CCSER1: variants seen among roughly 807,000 people sequenced by gnomAD.
The protein encoded by CCSER1 is serine-rich coiled-coil domain-containing protein 1.
CCSER1 carries 41 observed loss-of-function variants against 82.0 expected under a neutral mutation model. The observed-to-expected ratio is 0.50, with a 90% CI of 0.39 to 0.65. CCSER1 has a LOEUF of 0.65. CCSER1 is among the 30% of genes least tolerant of loss of function. The pLI is 0.00. For missense variants in CCSER1, 1,119 were observed against 1,064.2 expected (o/e 1.05, Z -0.72); for synonymous variants, 414 against 383.9 (o/e 1.08, Z -0.92).
intron 10 of CCSER1, among the ~76,000 whole-genome samples, chr4:91,366,338 T>C (rs1357623866): frequency 6.6e-6 from 1 of 152,322 alleles, no homozygotes; most frequent in South Asian, 2.1e-4. Flanking sequence ...CTATTCTTCC[T>C]GCTAGGACTT....
At chr4:91,003,064 C>G (rs1738182197) in intron 9 of CCSER1, among the ~76,000 whole-genome samples, 2 of 152,102 alleles carry the variant, frequency 1.3e-5, no homozygotes, top group African/African-American at 4.8e-5. Context: ...CAGGCTGGTA[C>G]CGGGGGTTGT....
chr4:91,178,178 A>G (rs1377389885), intron 10 of CCSER1, among the ~76,000 whole-genome samples: 4 of 152,056 alleles, frequency 2.6e-5, no homozygotes, highest in African/African-American at 9.7e-5. Flanking sequence ...CTCAGACACA[A>G]TTTGTTATAA....
At chr4:90,970,610 C>T (rs911258005) in intron 9 of CCSER1, among the ~76,000 whole-genome samples, 1 of 151,932 alleles carries the variant, frequency 6.6e-6, no homozygotes, top group African/African-American at 2.4e-5. Flanking sequence ...GCTCGACAGA[C>T]ATTTTATCCA....
At chr4:90,137,408 G>A (rs971512419) in intron 1 of CCSER1, among the ~76,000 whole-genome samples, 3 of 152,262 alleles carry the variant, frequency 2.0e-5, no homozygotes, top group Admixed American at 2.0e-4. Flanking sequence ...GTTTTACGTT[G>A]ATTATCGGGA....
intron 9 of CCSER1, among the ~76,000 whole-genome samples, chr4:91,038,743 A>G (rs1415532546): frequency 2.0e-5 from 3 of 152,244 alleles, no homozygotes; most frequent in African/African-American, 7.2e-5. Flanking sequence ...TTCAAAGTTT[A>G]TTGTATAAAT....
chr4:90,299,059 GT>G (rs1405832653), intron 1 of CCSER1, among the ~76,000 whole-genome samples: 2 of 149,356 alleles, frequency 1.3e-5, no homozygotes, highest in African/African-American at 2.4e-5. Flanking sequence ...TCAAGATTAC[GT>G]ATATAAATGT....
intron 7 of CCSER1, among the ~76,000 whole-genome samples, chr4:90,767,181 A>G (rs1201473420): frequency 1.3e-5 from 2 of 152,220 alleles, no homozygotes; most frequent in Admixed American, 1.3e-4. Context: ...AAGATATGGC[A>G]TAACAGATTC....
chr4:91,322,998 G>C (rs1171610173), intron 10 of CCSER1, among the ~76,000 whole-genome samples: 1 of 152,176 alleles, frequency 6.6e-6, no homozygotes, highest in Non-Finnish European at 1.5e-5. Flanking sequence ...TTAAGATACA[G>C]TAAGATCTGC....
chr4:90,808,540 G>GA (rs556659777), intron 7 of CCSER1, among the ~76,000 whole-genome samples: 6 of 151,214 alleles, frequency 4.0e-5, no homozygotes, highest in African/African-American at 9.7e-5. Flanking sequence ...AAATCAGCAA[G>GA]AAAAAAAATA....
intron 10 of CCSER1, among the ~76,000 whole-genome samples, chr4:91,185,532 G>C (rs116733528): frequency 2.1e-4 from 32 of 152,178 alleles, no homozygotes; most frequent in Non-Finnish European, 4.4e-5. Flanking sequence ...CAGTGCTACC[G>C]GCTGTGGCGG....
Position 91,602,960 on chromosome 4 carries a change from A to G in CCSER1, c.*3903A>G, listed in dbSNP as rs950405107. ...ATATGCATATATATATTTTTGTATAAGAAGTATTTCAATCACATGTAATAT... is the reference window on the plus strand; with the variant it reads ...ATATGCATATATATATTTTTGTATAGGAAGTATTTCAATCACATGTAATAT... On this transcript the variant is annotated 3_prime_UTR_variant, in exon 11 of 11. Transcript: ENST00000509176. Among the ~76,000 whole-genome samples the G allele has an allele frequency of 6.6e-6, 1 of 152,092 alleles. No individual in the cohort carries two copies. The highest frequency in any genetic ancestry group is 6.6e-5 in the Admixed American group (1 of 15,236).
At chr4:91,260,769 T>A (rs1004922658) in intron 10 of CCSER1, among the ~76,000 whole-genome samples, 10 of 151,066 alleles carry the variant, frequency 6.6e-5, no homozygotes, top group South Asian at 2.1e-4. Flanking sequence ...TTTATTTTTT[T>A]ATTTTTTTTG....
intron 1 of CCSER1, among the ~76,000 whole-genome samples, chr4:90,214,262 A>G (rs1043872600): frequency 2.6e-5 from 4 of 152,142 alleles, no homozygotes; most frequent in African/African-American, 9.7e-5. Context: ...GGAATGTGGA[A>G]CTAGGAGTCT....
intron 6 of CCSER1, among the ~76,000 whole-genome samples, chr4:90,688,361 C>G (rs1267659107): frequency 6.6e-6 from 1 of 151,860 alleles, no homozygotes. Flanking sequence ...CCTGAAAACT[C>G]ATAAAACACA....
intron 10 of CCSER1, among the ~76,000 whole-genome samples, chr4:91,420,846 T>G (rs995910317): frequency 3.9e-5 from 6 of 152,096 alleles, no homozygotes; most frequent in Non-Finnish European, 7.4e-5. Flanking sequence ...GATAGAGATA[T>G]ATAGATGGAA....
At chr4:90,359,633 G>A (rs1357743904) in intron 3 of CCSER1, among the ~76,000 whole-genome samples, 1 of 151,898 alleles carries the variant, frequency 6.6e-6, no homozygotes, top group Non-Finnish European at 1.5e-5. Context: ...AGCTACTTGG[G>A]AGGCTAAGGC....
intron 10 of CCSER1, among the ~76,000 whole-genome samples, chr4:91,494,982 A>G (rs922651203): frequency 2.6e-5 from 4 of 151,842 alleles, no homozygotes; most frequent in African/African-American, 9.6e-5. Context: ...TGCCTGTACC[A>G]CATTGCTACG....
At chr4:91,374,322 G>A (rs1750249343) in intron 10 of CCSER1, among the ~76,000 whole-genome samples, 1 of 152,168 alleles carries the variant, frequency 6.6e-6, no homozygotes, top group African/African-American at 2.4e-5. Context: ...AGGACGGAAT[G>A]ACTCCTGTTA....
At chr4:91,071,654 CTCTT>C (rs1161315878) in intron 9 of CCSER1, among the ~76,000 whole-genome samples, 2 of 152,060 alleles carry the variant, frequency 1.3e-5, no homozygotes, top group Non-Finnish European at 2.9e-5. Context: ...AGTGCATTCT[CTCTT>C]TTTATGATCT....
Sources: gnomAD v4.1 joint callset for allele counts (sites outside exome capture counted in the v4.1 genomes callset) on GRCh38, gnomAD v4.1.1 for gene constraint, MANE v1.5 for transcripts, NCBI Gene and HGNC (gene_info 2026-07-23, HGNC 2026-07-21) for gene names.